The following STXBP4 variants were observed in gnomAD, a reference collection of about 807,000 sequenced individuals.
STXBP4 encodes syntaxin binding protein 4.
Under a neutral mutation model 76.1 loss-of-function variants are expected in STXBP4, and 55 were observed. That is an observed-to-expected ratio of 0.72 (90% CI 0.58 to 0.91). The LOEUF (loss-of-function observed/expected upper bound fraction) is 0.91, where lower values mean the gene tolerates loss of function less well. Among genes scored for constraint, STXBP4 ranks in the 40% least tolerant of loss-of-function variants. The pLI is 0.00. For missense variants in STXBP4, 618 were observed against 636.9 expected, an observed-to-expected ratio of 0.97 and a Z score of 0.32; for synonymous variants, 201 against 220.2, an observed-to-expected ratio of 0.91 and a Z score of 0.77.
chr17:55,073,868 AT>A (rs774011379), intron 13 of STXBP4, among the ~76,000 whole-genome samples: 1 of 152,136 alleles, frequency 6.6e-6, no homozygotes, highest in African/African-American at 2.4e-5. Flanking sequence ...ACCTCAGGTG[AT>A]CCACCAGTCT....
chr17:55,028,097 C>T (rs1429885696), intron 8 of STXBP4, among the ~76,000 whole-genome samples: 2 of 152,072 alleles, frequency 1.3e-5, no homozygotes, highest in East Asian at 3.9e-4. Context: ...TTTAATGAAG[C>T]AAGATAGTAG....
chr17:55,051,029 A>G (rs939773289), intron 12 of STXBP4, among the ~76,000 whole-genome samples: 1 of 152,136 alleles, frequency 6.6e-6, no homozygotes, highest in Non-Finnish European at 1.5e-5. Context: ...AGGAAAATTG[A>G]AAATACACCT....
chr17:54,977,149 A>G (rs1235318867), intron 1 of STXBP4, among the ~76,000 whole-genome samples: 2 of 152,178 alleles, frequency 1.3e-5, no homozygotes, highest in African/African-American at 2.4e-5. Flanking sequence ...CATTTTGGTA[A>G]CACCCCCAAG....
chr17:55,061,155 G>C (rs2078989376), intron 12 of STXBP4, among the ~76,000 whole-genome samples: 1 of 152,158 alleles, frequency 6.6e-6, no homozygotes, highest in Non-Finnish European at 1.5e-5. Flanking sequence ...CATGAATCAA[G>C]TAACAGCTAG....
chr17:54,976,373 C>G (rs907808033), intron 1 of STXBP4, among the ~76,000 whole-genome samples: 7 of 152,194 alleles, frequency 4.6e-5, no homozygotes, highest in Non-Finnish European at 1.5e-5. Context: ...TGAATAAGCA[C>G]AGAAATTGAT....
At chr17:55,064,518 G>A (rs1042906441) in intron 12 of STXBP4, among the ~76,000 whole-genome samples, 3 of 152,142 alleles carry the variant, frequency 2.0e-5, no homozygotes, top group Non-Finnish European at 4.4e-5. Context: ...TGTTTGAGAT[G>A]GAGTCTTGCT....
chr17:55,063,689 C>G (rs142486370), intron 12 of STXBP4, among the ~76,000 whole-genome samples: 10 of 152,216 alleles, frequency 6.6e-5, no homozygotes, highest in African/African-American at 2.4e-4. Flanking sequence ...AGAGCAAAAT[C>G]GTCACTTTCT....
intron 16 of STXBP4, among the ~76,000 whole-genome samples, chr17:55,114,389 A>G (rs2145067106): frequency 6.6e-6 from 1 of 152,204 alleles, no homozygotes; most frequent in Middle Eastern, 3.4e-3. Context: ...AAAACAGGAT[A>G]ATAAACTAAG....
At chr17:55,195,095 A>C in the STXBP4 span, among the ~76,000 whole-genome samples, 1 of 152,218 alleles carries the variant, frequency 6.6e-6, no homozygotes, top group Admixed American at 6.5e-5. Flanking sequence ...AAATGTTAAC[A>C]TCTAGGTCAC....
chr17:55,161,014 C>T lies in STXBP4; in HGVS notation c.*1103C>T, dbSNP rs1349263591. ...TCGAAACAAGATGGAAGCCTAAAGC[C>T]CAAGTCGAGCAGCTCCCAGCACTGC... is the stretch of plus-strand genomic sequence containing the variant. On this transcript the variant is annotated 3_prime_UTR_variant, in exon 18 of 18. Coordinates refer to ENST00000376352, the MANE Select transcript of STXBP4 (RefSeq NM_178509.6). The T allele has an allele frequency of 2.0e-5, 3 of 152,156 alleles. No individual in the cohort carries two copies. The South Asian group carries it at 6.2e-4, about 32-fold the overall frequency. 9.4% of individuals were successfully genotyped at this position (152,156 alleles called of 1,614,324 possible). A position where few individuals can be genotyped will look rare whatever the true frequency, so the allele number is the denominator to read the frequency against.
intron 1 of STXBP4, among the ~76,000 whole-genome samples, chr17:54,972,629 C>T (rs2077416949): frequency 6.6e-6 from 1 of 152,122 alleles, no homozygotes; most frequent in South Asian, 2.1e-4. Flanking sequence ...CCATGCTTAT[C>T]TTGTATTTTC....
chr17:55,008,218 T>A (rs970830947), intron 8 of STXBP4, among the ~76,000 whole-genome samples: 19 of 152,146 alleles, frequency 1.2e-4, no homozygotes, highest in Non-Finnish European at 2.4e-4. Context: ...CCCTTTTTTT[T>A]TTTTGATGTA....
intron 17 of STXBP4, among the ~76,000 whole-genome samples, chr17:55,158,350 T>C (rs1036232520): frequency 1.3e-5 from 2 of 152,224 alleles, no homozygotes; most frequent in Admixed American, 6.5e-5. Context: ...GTACTGGCCT[T>C]CAGATGCACT....
At chr17:55,155,670 A>G (rs2080269241) in intron 17 of STXBP4, among the ~76,000 whole-genome samples, 1 of 152,110 alleles carries the variant, frequency 6.6e-6, no homozygotes, top group Non-Finnish European at 1.5e-5. Context: ...TTTCATCATC[A>G]CAGACGGTTA....
intron 12 of STXBP4, among the ~76,000 whole-genome samples, chr17:55,067,271 T>C (rs2079064045): frequency 6.6e-6 from 1 of 152,086 alleles, no homozygotes; most frequent in Admixed American, 6.5e-5. Flanking sequence ...TTAAGAGTAC[T>C]AAATATGTGA....
intron 16 of STXBP4, among the ~76,000 whole-genome samples, chr17:55,089,435 G>A (rs1486485905): frequency 1.3e-5 from 2 of 152,104 alleles, no homozygotes; most frequent in Admixed American, 6.6e-5. Flanking sequence ...CGGAAACTGT[G>A]GCTAAATGTC....
intron 6 of STXBP4, chr17:55,000,315 A>G: frequency 1.1e-6 from 1 of 951,804 alleles, no homozygotes; most frequent in Non-Finnish European, 1.3e-6. Flanking sequence ...AGAATCACAC[A>G]AAATGGGGAA....
intron 10 of STXBP4, among the ~76,000 whole-genome samples, chr17:55,039,804 T>C (rs1426631927): frequency 6.6e-6 from 1 of 151,982 alleles, no homozygotes; most frequent in East Asian, 1.9e-4. Context: ...GTAGCATTTA[T>C]AGAAATAGGG....
chr17:55,078,892 T>A (rs1328617516), intron 15 of STXBP4, among the ~76,000 whole-genome samples, 157 bp downstream of exon 15: 1 of 152,204 alleles, frequency 6.6e-6, no homozygotes, highest in Non-Finnish European at 1.5e-5. Context: ...AAGGACATAT[T>A]GTTTTGTGTC....
Sources: gnomAD v4.1 joint callset for allele counts (sites outside exome capture counted in the v4.1 genomes callset) on GRCh38, gnomAD v4.1.1 for gene constraint, MANE v1.5 for transcripts, NCBI Gene and HGNC (gene_info 2026-07-23, HGNC 2026-07-21) for gene names.